ABCA13: variants seen among roughly 807,000 people sequenced by gnomAD.
The protein encoded by ABCA13 is ATP-binding cassette sub-family A member 13.
Under a neutral mutation model 478.7 loss-of-function variants are expected in ABCA13, and 476 were observed. The ratio of observed to expected loss-of-function variants is 0.99; its 90% CI spans 0.92 to 1.07. The LOEUF is 1.07. Among genes scored for constraint, ABCA13 ranks in the 50% least tolerant of loss-of-function variants. ABCA13 has a pLI of 0.00. For synonymous variants in ABCA13, 2,252 were observed against 2,158.9 expected (o/e 1.04, Z -1.20); for missense variants, 6,060 against 5,910.6 (o/e 1.03, Z -0.83).
At chr7:48,446,600 C>G (rs964627018) in intron 42 of ABCA13, among the ~76,000 whole-genome samples, 2 of 152,110 alleles carry the variant, frequency 1.3e-5, no homozygotes, top group African/African-American at 4.8e-5. Context: ...GGTCTGCAAC[C>G]TCTCCTTTGC....
chr7:48,517,707 C>T (rs1832236570), intron 52 of ABCA13, among the ~76,000 whole-genome samples: 1 of 152,188 alleles, frequency 6.6e-6, no homozygotes, highest in Non-Finnish European at 1.5e-5. Context: ...CCTCTGCACC[C>T]TTATTGCAAT....
At chr7:48,434,581 TG>T (rs1489978047) in intron 42 of ABCA13, among the ~76,000 whole-genome samples, 1 of 151,980 alleles carries the variant, frequency 6.6e-6, no homozygotes, top group Non-Finnish European at 1.5e-5. Flanking sequence ...AAAAAATCAC[TG>T]GCAACTGCAA....
chr7:48,326,241 A>C (rs1804313100), intron 27 of ABCA13, among the ~76,000 whole-genome samples: 1 of 152,230 alleles, frequency 6.6e-6, no homozygotes, highest in South Asian at 2.1e-4. Context: ...CTGTCCCTCC[A>C]GAGCCCTCTT....
At chr7:48,393,651 G>A (rs903369246) in intron 38 of ABCA13, among the ~76,000 whole-genome samples, 1 of 152,048 alleles carries the variant, frequency 6.6e-6, no homozygotes, top group Non-Finnish European at 1.5e-5. Context: ...CACTTTTTCC[G>A]CTATGTGCTT....
chr7:48,637,397 A>AAAAAAAAAAAAAAAAAAAAAAAAAAAAG, intron 59 of ABCA13, among the ~76,000 whole-genome samples: 1 of 148,814 alleles, frequency 6.7e-6, no homozygotes. Context: ...AAAAAAAAAA[A>AAAAAAAAAAAAAAAAAAAAAAAAAAAAG]AAAAAAAAAC....
chr7:48,282,321 C>T (rs146047537), intron 19 of ABCA13, among the ~76,000 whole-genome samples: 22 of 152,312 alleles, frequency 1.4e-4, no homozygotes, highest in East Asian at 1.4e-3. Context: ...GAATGGACCA[C>T]AGTTGTTTAA....
chr7:48,622,737 A>G (rs1335690298), intron 59 of ABCA13, among the ~76,000 whole-genome samples: 2 of 152,222 alleles, frequency 1.3e-5, no homozygotes, highest in Non-Finnish European at 2.9e-5. Flanking sequence ...ATTCTTATAT[A>G]GTGCTTACTG....
At chr7:48,591,116 G>T (rs1454494421) in intron 57 of ABCA13, among the ~76,000 whole-genome samples, 1 of 150,330 alleles carries the variant, frequency 6.7e-6, no homozygotes, top group African/African-American at 2.4e-5. Flanking sequence ...CTCATCTTAT[G>T]TTTAAATCTT....
intron 15 of ABCA13, among the ~76,000 whole-genome samples, chr7:48,267,845 A>T (rs1795069867): frequency 1.3e-5 from 2 of 151,932 alleles, no homozygotes; most frequent in South Asian, 4.2e-4. Flanking sequence ...CTAATTTTTT[A>T]TTGAATTCCA....
At chr7:48,372,595 C>A in intron 33 of ABCA13, 98 bp downstream of exon 33, 1 of 1,013,586 alleles carries the variant, frequency 9.9e-7, no homozygotes, top group Non-Finnish European at 1.4e-6. Context: ...TTCAATTTGT[C>A]ATGTTCATAT....
chr7:48,264,985 A>T (rs576146884), intron 15 of ABCA13, among the ~76,000 whole-genome samples: 2 of 151,666 alleles, frequency 1.3e-5, no homozygotes, highest in Non-Finnish European at 3.0e-5. Flanking sequence ...ACTGAAGTTT[A>T]TTATGATTAC....
chr7:48,430,538 G>A (rs887438424), intron 42 of ABCA13, among the ~76,000 whole-genome samples: 1 of 152,028 alleles, frequency 6.6e-6, no homozygotes, highest in African/African-American at 2.4e-5. Context: ...AGCTGAGCAT[G>A]GTGGCAGGTG....
chr7:48,368,710 T>C (rs1326477913), intron 32 of ABCA13, among the ~76,000 whole-genome samples: 1 of 132,230 alleles, frequency 7.6e-6, no homozygotes. Flanking sequence ...TATATATATA[T>C]ATATACACAT....
At chr7:48,634,528 C>T (rs939085845) in intron 59 of ABCA13, among the ~76,000 whole-genome samples, 12 of 152,066 alleles carry the variant, frequency 7.9e-5, no homozygotes, top group Admixed American at 7.2e-4. Flanking sequence ...ATATTTATCA[C>T]ATTTGTTGAT....
At chr7:48,386,992 T>C (rs1815289946) in intron 35 of ABCA13, among the ~76,000 whole-genome samples, 2 of 152,096 alleles carry the variant, frequency 1.3e-5, no homozygotes, top group African/African-American at 4.8e-5. Flanking sequence ...GACCTTCCCT[T>C]TACTTTCAAA....
chr7:48,409,102 T>G (rs1248628974), intron 39 of ABCA13, among the ~76,000 whole-genome samples: 1 of 152,236 alleles, frequency 6.6e-6, no homozygotes, highest in Non-Finnish European at 1.5e-5. Context: ...AAACATTTAC[T>G]TGAGTAGAGT....
rs764954845 is a variant in ABCA13, at chr7:48,272,450, T to A, written c.2784T>A (p.Asp928Glu). 1.2e-6 allele frequency: 2 copies of A among 1,613,828 alleles called. No homozygotes were observed. The highest frequency in any genetic ancestry group is 1.7e-6 in the Non-Finnish European group (2 of 1,179,786). Residue 928 changes from aspartate (D) to glutamate (E), a missense_variant, in exon 17 of 62, where the codon GAT (aspartate) becomes GAA (glutamate). Transcript: ENST00000435803. ...TCTACGCTATCAGGAATGCATCTGATCTTTTCTCAGCCCTTTCTGAACCAC... is the reference window on the plus strand; with the variant it reads ...TCTACGCTATCAGGAATGCATCTGAACTTTTCTCAGCCCTTTCTGAACCAC... ...NTVYAIRNAS[D>E]LFSALSEPQK...
At chr7:48,410,987 C>T (rs541915424) in intron 40 of ABCA13, among the ~76,000 whole-genome samples, 1 of 82,314 alleles carries the variant, frequency 1.2e-5, no homozygotes, top group Non-Finnish European at 2.6e-5. Context: ...CTCTTTCTTT[C>T]TTTCTTTCTT....
At chr7:48,342,700 T>C (rs1311855763) in intron 29 of ABCA13, among the ~76,000 whole-genome samples, 1 of 152,164 alleles carries the variant, frequency 6.6e-6, no homozygotes, top group Non-Finnish European at 1.5e-5. Context: ...CTGCAACTCT[T>C]CTAAACAAGA....
Sources: gnomAD v4.1 joint callset for allele counts (sites outside exome capture counted in the v4.1 genomes callset) on GRCh38, gnomAD v4.1.1 for gene constraint, MANE v1.5 for transcripts, NCBI Gene and HGNC (gene_info 2026-07-23, HGNC 2026-07-21) for gene names.